The following XKR4 variants were observed in gnomAD, a reference collection of about 807,000 sequenced individuals.
The protein encoded by XKR4 is XK-related protein 4.
In XKR4, 12 loss-of-function variants were observed where a neutral mutation model predicts 53.9. That is an observed-to-expected ratio of 0.22 (90% confidence interval 0.14 to 0.36). The LOEUF is 0.36. Among genes scored for constraint, XKR4 ranks in the 10% least tolerant of loss-of-function variants. The pLI, the probability that XKR4 is intolerant of heterozygous loss-of-function variation, is 1.00. For missense variants in XKR4, 799 were observed against 859.5 expected, an observed-to-expected ratio of 0.93 and a Z score of 0.88; for synonymous variants, 354 against 362.4, an observed-to-expected ratio of 0.98 and a Z score of 0.26.
rs1332760813 is a variant in XKR4, at chr8:55,292,977, A to G, written c.807-64701A>G. Among the ~76,000 whole-genome samples, 4 of 152,214 alleles carry G rather than the reference A, an allele frequency of 2.6e-5. No individual in the cohort carries two copies. The East Asian group carries it at 7.7e-4, about 29-fold the overall frequency. Reference sequence around the variant, plus strand: ...CTGTTATAGGGTTCTAGCTGATTCTATTACATTCAGAGGACATACTCATTA... The same window carrying G: ...CTGTTATAGGGTTCTAGCTGATTCTGTTACATTCAGAGGACATACTCATTA... On this transcript the variant is annotated intron_variant, in intron 1 of 2. Transcript: ENST00000327381.
At chr8:55,272,200 A>G (rs770198427) in intron 1 of XKR4, among the ~76,000 whole-genome samples, 1 of 152,248 alleles carries the variant, frequency 6.6e-6, no homozygotes, top group Non-Finnish European at 1.5e-5. Flanking sequence ...GGGCTTCTTC[A>G]TACAGGCATA....
chr8:55,401,871 G>T (rs1804606436), intron 2 of XKR4, among the ~76,000 whole-genome samples: 1 of 152,018 alleles, frequency 6.6e-6, no homozygotes, highest in South Asian at 2.1e-4. Flanking sequence ...ATTAAAACAG[G>T]AATTATAAGT....
rs569436252 is a variant in XKR4 at position 55,404,012 on chromosome 8, A to G, written c.1006+46135A>G. Among the ~76,000 whole-genome samples, 2 of 152,260 alleles carry G rather than the reference A, an allele frequency of 1.3e-5. 1 individual carries two copies. The highest frequency in any genetic ancestry group is 4.8e-5 in the African/African-American group (2 of 41,552). On this transcript the variant is annotated intron_variant, in intron 2 of 2. Coordinates refer to ENST00000327381, the MANE Select transcript of XKR4 (RefSeq NM_052898.2). The stretch of plus-strand genomic sequence containing the variant: ...GGCCTCTTTATGACCTCAACCTGCT[A>G]TAGCCTTGGAGAAAGAGAAGAGCAG...
intron 1 of XKR4, among the ~76,000 whole-genome samples, chr8:55,255,318 G>T (rs907610842): frequency 6.6e-6 from 1 of 152,102 alleles, no homozygotes; most frequent in Non-Finnish European, 1.5e-5. Context: ...CATAGAAAGT[G>T]CCTACAACAG....
At chr8:55,313,954 C>A (rs899252161) in intron 1 of XKR4, among the ~76,000 whole-genome samples, 1 of 152,194 alleles carries the variant, frequency 6.6e-6, no homozygotes. Flanking sequence ...ACCTTTTCAA[C>A]GAACAGACTA....
chr8:55,205,322 A>T (rs1371407760), intron 1 of XKR4, among the ~76,000 whole-genome samples: 1 of 152,186 alleles, frequency 6.6e-6, no homozygotes, highest in Non-Finnish European at 1.5e-5. Context: ...AAACTATTTG[A>T]CATGTATTTG....
At chr8:55,312,766 A>G (rs1278587569) in intron 1 of XKR4, among the ~76,000 whole-genome samples, 2 of 152,110 alleles carry the variant, frequency 1.3e-5, no homozygotes, top group Non-Finnish European at 2.9e-5. Flanking sequence ...TTTAATTTAA[A>G]TTTTTCTCAT....
At chr8:55,293,749 G>T (rs1208130889) in intron 1 of XKR4, among the ~76,000 whole-genome samples, 1 of 151,942 alleles carries the variant, frequency 6.6e-6, no homozygotes, top group East Asian at 1.9e-4. Flanking sequence ...TTGTTTCTTT[G>T]CATAGATGGG....
At chr8:55,247,856 T>TTTCTTTCTTTCTTTC (rs776313671) in intron 1 of XKR4, among the ~76,000 whole-genome samples, 1 of 37,538 alleles carries the variant, frequency 2.7e-5, no homozygotes, top group Non-Finnish European at 6.8e-5. Flanking sequence ...TCTTTCTTTC[T>TTTCTTTCTTTCTTTC]TTTTTTTTTT....
intron 2 of XKR4, among the ~76,000 whole-genome samples, chr8:55,393,813 C>T (rs1353116169): frequency 6.6e-6 from 1 of 152,116 alleles, no homozygotes; most frequent in Non-Finnish European, 1.5e-5. Context: ...AAAGCACTAC[C>T]CATAAAACAT....
chr8:55,328,676 C>T (rs146101434), intron 1 of XKR4, among the ~76,000 whole-genome samples: 29 of 152,304 alleles, frequency 1.9e-4, no homozygotes, highest in Admixed American at 5.2e-4. Context: ...CAATTGCTGT[C>T]GCTCATAGTG....
chr8:55,241,387 C>G (rs950306893), intron 1 of XKR4, among the ~76,000 whole-genome samples: 1 of 152,158 alleles, frequency 6.6e-6, no homozygotes, highest in Non-Finnish European at 1.5e-5. Flanking sequence ...GCATTTTAAT[C>G]ATTAAAGTGA....
intron 1 of XKR4, among the ~76,000 whole-genome samples, chr8:55,343,256 G>A (rs1309866457): frequency 6.6e-6 from 1 of 152,146 alleles, no homozygotes; most frequent in Non-Finnish European, 1.5e-5. Context: ...ACAGTTGAGA[G>A]CAAATATTGC....
At chr8:55,432,878 C>T (rs527685507) in intron 2 of XKR4, among the ~76,000 whole-genome samples, 238 of 152,220 alleles carry the variant, frequency 1.6e-3, no homozygotes, top group African/African-American at 5.2e-3. Context: ...ATGCATGTTT[C>T]AATGTGGGGC....
At chr8:55,387,551 G>C (rs1470801962) in intron 2 of XKR4, among the ~76,000 whole-genome samples, 1 of 152,208 alleles carries the variant, frequency 6.6e-6, no homozygotes. Context: ...TGACTCCCCT[G>C]CTCCATTAAC....
At chr8:55,244,801 T>C (rs1402604738) in intron 1 of XKR4, among the ~76,000 whole-genome samples, 1 of 152,222 alleles carries the variant, frequency 6.6e-6, no homozygotes, top group African/African-American at 2.4e-5. Flanking sequence ...TGATTTTCAT[T>C]TGTCTAATGA....
intron 1 of XKR4, among the ~76,000 whole-genome samples, chr8:55,166,301 A>G (rs973211982): frequency 6.6e-6 from 1 of 152,248 alleles, no homozygotes; most frequent in East Asian, 1.9e-4. Flanking sequence ...CTGAATCTAC[A>G]GAGAAGTTCC....
rs1026049869 is a variant in XKR4, at chr8:55,527,718, C to T, written c.*3491C>T. The stretch of plus-strand genomic sequence containing the variant: ...ACTCATTTGTGATAAACGCTGTTAA[C>T]CCAACAAATATAATAAATTCTCTTA... On this transcript the variant is annotated 3_prime_UTR_variant, in exon 3 of 3. Coordinates refer to ENST00000327381, the MANE Select transcript of XKR4 (RefSeq NM_052898.2). 1 of 152,190 alleles carries T rather than the reference C, an allele frequency of 6.6e-6. No homozygotes were observed. The highest frequency in any genetic ancestry group is 1.5e-5 in the Non-Finnish European group (1 of 67,998). 9.4% of individuals were successfully genotyped at this position (152,190 alleles called of 1,614,324 possible).
At chr8:55,362,644 C>A (rs1373141114) in intron 2 of XKR4, among the ~76,000 whole-genome samples, 1 of 152,238 alleles carries the variant, frequency 6.6e-6, no homozygotes, top group African/African-American at 2.4e-5. Flanking sequence ...GGTTCATGGT[C>A]AGAGTTACCC....
Sources: gnomAD v4.1 joint callset for allele counts (sites outside exome capture counted in the v4.1 genomes callset) on GRCh38, gnomAD v4.1.1 for gene constraint, MANE v1.5 for transcripts, NCBI Gene and HGNC (gene_info 2026-07-23, HGNC 2026-07-21) for gene names.